Variants in EYA4 observed in about 807,000 individuals in gnomAD.
EYA4 encodes protein phosphatase EYA4.
A neutral mutation model predicts 87.9 loss-of-function variants in EYA4; 31 were observed. The ratio of observed to expected loss-of-function variants is 0.35; its 90% CI spans 0.27 to 0.48. EYA4 has a LOEUF of 0.48. EYA4 is among the 20% of genes least tolerant of loss of function. EYA4 has a pLI of 0.99. For missense variants in EYA4, 678 were observed against 761.4 expected (o/e 0.89, Z 1.29); for synonymous variants, 263 against 270.6 (o/e 0.97, Z 0.28).
At chr6:133,268,445 C>T (rs3777799) in intron 1 of EYA4, among the ~76,000 whole-genome samples, 37,975 of 152,006 alleles carry the variant, frequency 0.25, 5,263 homozygotes, top group African/African-American at 0.36. Flanking sequence ...AGATTTTCCT[C>T]GGAAAGAGAG....
intron 13 of EYA4, among the ~76,000 whole-genome samples, chr6:133,490,605 A>C (rs1797066007): frequency 6.6e-6 from 1 of 152,148 alleles, no homozygotes; most frequent in Admixed American, 6.5e-5. Flanking sequence ...AAAATTAGAC[A>C]AAAGAAGGTC....
intron 2 of EYA4, among the ~76,000 whole-genome samples, chr6:133,332,633 T>C (rs1782053209): frequency 6.6e-6 from 1 of 151,624 alleles, no homozygotes; most frequent in South Asian, 2.1e-4. Flanking sequence ...TACCTCCGCC[T>C]CCCGGGTTCA....
intron 11 of EYA4, among the ~76,000 whole-genome samples, chr6:133,480,731 CTTTT>C (rs1321584501): frequency 6.6e-6 from 1 of 151,906 alleles, no homozygotes; most frequent in Non-Finnish European, 1.5e-5. Context: ...TCTCTTTTTA[CTTTT>C]TTTAACATAG....
chr6:133,331,924 C>G (rs1015414589), intron 2 of EYA4, among the ~76,000 whole-genome samples: 5 of 152,162 alleles, frequency 3.3e-5, no homozygotes, highest in African/African-American at 1.2e-4. Flanking sequence ...TTATTGTGCT[C>G]TTGTGTGGAT....
At chr6:133,496,662 T>C (rs1299714190) in intron 13 of EYA4, among the ~76,000 whole-genome samples, 1 of 152,118 alleles carries the variant, frequency 6.6e-6, no homozygotes, top group African/African-American at 2.4e-5. Context: ...TCTGAGCCTG[T>C]TTCATCTGAA....
At chr6:133,508,059 C>A (rs1465064766) in intron 14 of EYA4, among the ~76,000 whole-genome samples, 1 of 151,994 alleles carries the variant, frequency 6.6e-6, no homozygotes, top group Non-Finnish European at 1.5e-5. Flanking sequence ...ATATTTGAGA[C>A]ATGAGAGTAA....
intron 3 of EYA4, among the ~76,000 whole-genome samples, chr6:133,444,678 AGAGTGTGCTCTTGG>A (rs1211190212): frequency 6.6e-6 from 1 of 152,214 alleles, no homozygotes; most frequent in Non-Finnish European, 1.5e-5. Context: ...GCCCTCAGAA[AGAGTGTGCTCTTGG>A]GCACAGTGAC....
chr6:133,255,385 A>T (rs564981521), intron 1 of EYA4, among the ~76,000 whole-genome samples: 21 of 152,290 alleles, frequency 1.4e-4, no homozygotes, highest in African/African-American at 4.8e-4. Context: ...TATGTCTTTT[A>T]TCTTGGTTTG....
intron 2 of EYA4, among the ~76,000 whole-genome samples, chr6:133,379,977 C>T (rs985333491): frequency 6.6e-6 from 1 of 152,146 alleles, no homozygotes; most frequent in Non-Finnish European, 1.5e-5. Flanking sequence ...TAATATGCTT[C>T]CTCTGGCAAA....
intron 13 of EYA4, among the ~76,000 whole-genome samples, chr6:133,490,345 A>G (rs144643590): frequency 6.7e-4 from 102 of 152,210 alleles, no homozygotes; most frequent in African/African-American, 2.1e-3. Flanking sequence ...AAATGGACTA[A>G]ACTCTCCAAT....
At chr6:133,310,279 A>G (rs1178576443) in intron 2 of EYA4, among the ~76,000 whole-genome samples, 1 of 152,134 alleles carries the variant, frequency 6.6e-6, no homozygotes. Context: ...GCATCTGTGT[A>G]TTTGTCATCT....
intron 2 of EYA4, among the ~76,000 whole-genome samples, chr6:133,292,324 T>G (rs1240598990): frequency 2.6e-5 from 4 of 152,190 alleles, no homozygotes; most frequent in African/African-American, 9.6e-5. Flanking sequence ...TTTACACCAA[T>G]TGCGTCTGGT....
intron 6 of EYA4, among the ~76,000 whole-genome samples, chr6:133,459,536 AAAG>A (rs1344025713): frequency 3.9e-5 from 6 of 152,140 alleles, no homozygotes; most frequent in East Asian, 3.9e-4. Context: ...GAAATTCTGT[AAAG>A]AAGAGACGAA....
intron 2 of EYA4, among the ~76,000 whole-genome samples, chr6:133,276,085 AGTCT>A (rs757828993): frequency 9.9e-5 from 15 of 152,198 alleles, no homozygotes; most frequent in East Asian, 3.8e-4. Context: ...TGGAATCAGA[AGTCT>A]GTCTGTGTGA....
intron 3 of EYA4, 140 bp downstream of exon 3, chr6:133,382,581 A>C (rs371267337): frequency 2.6e-6 from 2 of 770,176 alleles, no homozygotes; most frequent in African/African-American, 3.4e-5. Context: ...ACTGTATATC[A>C]TGCTGGCTAG....
rs376336693 is a variant in EYA4, at chr6:133,513,035, G to A, written c.1498G>A (p.Gly500Arg). The change falls in exon 16 of 20, where the codon GGA becomes AGA. Residue 500 changes from glycine to arginine, a missense_variant. Gly to Arg is a moderately radical substitution (Grantham distance 125, BLOSUM62 -2). Transcript: ENST00000355286. ...ATATAACACCTACAAGAACAACGTTGGAGGTATGTGTGGCTTTTTCAATCT... is the reference window on the plus strand; with the variant it reads ...ATATAACACCTACAAGAACAACGTTAGAGGTATGTGTGGCTTTTTCAATCT... ...ELYNTYKNNVGGLLGPAKRDA... is the reference protein window; with the variant it reads ...ELYNTYKNNVRGLLGPAKRDA... The A allele has an allele frequency of 6.2e-7, 1 of 1,613,776 alleles. No homozygotes were observed. Among genetic ancestry groups the A allele is most frequent in the Non-Finnish European group, 8.5e-7 (1 of 1,179,832 alleles).
intron 2 of EYA4, among the ~76,000 whole-genome samples, chr6:133,361,120 C>A (rs1784418356): frequency 1.3e-5 from 2 of 152,200 alleles, no homozygotes; most frequent in Admixed American, 1.3e-4. Context: ...GGATCTGAAG[C>A]TGACTGTTAG....
chr6:133,469,912 C>T (rs886967364), intron 11 of EYA4, among the ~76,000 whole-genome samples: 6 of 152,032 alleles, frequency 3.9e-5, no homozygotes, highest in African/African-American at 1.4e-4. Flanking sequence ...CTGTTCATGT[C>T]CTTCGCCCAC....
intron 2 of EYA4, among the ~76,000 whole-genome samples, chr6:133,381,369 G>A (rs1244614513): frequency 2.6e-5 from 4 of 151,934 alleles, no homozygotes; most frequent in African/African-American, 7.2e-5. Flanking sequence ...AAACAGAGGA[G>A]GAAAAAATTA....
Sources: gnomAD v4.1 joint callset for allele counts (sites outside exome capture counted in the v4.1 genomes callset) on GRCh38, gnomAD v4.1.1 for gene constraint, MANE v1.5 for transcripts, NCBI Gene and HGNC (gene_info 2026-07-23, HGNC 2026-07-21) for gene names.